GAP43: variants seen among roughly 807,000 people sequenced by gnomAD.
GAP43 encodes the protein neuromodulin.
Under a neutral mutation model 18.6 loss-of-function variants are expected in GAP43, and 6 were observed. The ratio of observed to expected loss-of-function variants is 0.32; its 90% CI spans 0.18 to 0.64. The LOEUF is 0.64. GAP43 is among the 30% of genes least tolerant of loss of function. The pLI is 0.78. For missense variants in GAP43, 292 were observed against 295.5 expected, an observed-to-expected ratio of 0.99 and a Z score of 0.09; for synonymous variants, 115 against 111.4, an observed-to-expected ratio of 1.03 and a Z score of -0.20.
chr3:115,716,675 T>C (rs1400012668), intron 2 of GAP43, among the ~76,000 whole-genome samples: 5 of 141,528 alleles, frequency 3.5e-5, no homozygotes, highest in African/African-American at 1.3e-4. Flanking sequence ...TTTTGCTTAA[T>C]ATTCAATAAT....
intron 1 of GAP43, among the ~76,000 whole-genome samples, chr3:115,638,693 CTCTT>C (rs1427777300): frequency 6.6e-6 from 1 of 151,874 alleles, no homozygotes; most frequent in African/African-American, 2.4e-5. Context: ...CATCCTTTCT[CTCTT>C]TCTAAACACT....
At chr3:115,683,147 G>GCGCGCGCGCACACACA (rs1252333447) in intron 2 of GAP43, among the ~76,000 whole-genome samples, 7 of 127,394 alleles carry the variant, frequency 5.5e-5, no homozygotes, top group African/African-American at 1.2e-4. Flanking sequence ...GCGCGCGCGC[G>GCGCGCGCGCACACACA]CACACACACA....
Position 115,623,549 on chromosome 3 carries a change from A to AGAGG in GAP43, c.-129_-126dup, listed in dbSNP as rs1269758926. On this transcript the variant is annotated 5_prime_UTR_variant, in exon 1 of 3. Transcript: ENST00000305124. ...CTGCCCTGGTGTGTGTGAGGGAGAG[A>AGAGG]GAGGGAGGGAGGGAGAGAGAGCGCG... 16 of 993,088 alleles carry AGAGG rather than the reference A, an allele frequency of 1.6e-5. No homozygotes were observed. The Admixed American group carries it at 1.6e-4, about 10-fold the overall frequency. 61.5% of individuals were successfully genotyped at this position (993,088 alleles called of 1,614,324 possible).
chr3:115,686,033 C>A (rs1709028634), intron 2 of GAP43, among the ~76,000 whole-genome samples: 1 of 152,140 alleles, frequency 6.6e-6, no homozygotes, highest in East Asian at 1.9e-4. Context: ...GTAGTTTTTG[C>A]CAATTTCTAT....
intron 1 of GAP43, among the ~76,000 whole-genome samples, chr3:115,673,794 G>A (rs1708842867): frequency 6.6e-6 from 1 of 152,196 alleles, no homozygotes; most frequent in South Asian, 2.1e-4. Context: ...GTGGAGGAGG[G>A]AGAAGGATGG....
chr3:115,708,426 TA>T (rs1411068304), intron 2 of GAP43, among the ~76,000 whole-genome samples: 1 of 152,242 alleles, frequency 6.6e-6, no homozygotes, highest in Non-Finnish European at 1.5e-5. Flanking sequence ...AATTTTTGGT[TA>T]AAGAGCTATC....
chr3:115,632,523 T>G (rs1708273026), intron 1 of GAP43, among the ~76,000 whole-genome samples: 2 of 152,204 alleles, frequency 1.3e-5, no homozygotes, highest in Non-Finnish European at 2.9e-5. Context: ...TGGGCATGAC[T>G]GGGATAAATT....
intron 1 of GAP43, chr3:115,661,096 CAT>C (rs1447241164): frequency 6.6e-6 from 1 of 152,126 alleles, no homozygotes; most frequent in Non-Finnish European, 1.5e-5. Context: ...TTCTTTCACA[CAT>C]AAGCAATTTA....
At position 115,695,243 on chromosome 3, in the gene GAP43, A is replaced by G. The variant is rs145983761; in HGVS notation, c.628+18633A>G. 6.4e-4 allele frequency among the ~76,000 whole-genome samples: 98 copies of G among 152,330 alleles called. 1 individual carries two copies. The highest frequency in any genetic ancestry group is 2.3e-3 in the African/African-American group (97 of 41,564). On this transcript the variant is annotated intron_variant, in intron 2 of 2. Coordinates refer to ENST00000305124, the MANE Select transcript of GAP43 (RefSeq NM_002045.4). ...CTTTTTAAAACTGGAACCTTAGACT[A>G]ACTGGGAAATGGAATGTGACACACC...
At chr3:115,699,353 C>T (rs1709268087) in intron 2 of GAP43, among the ~76,000 whole-genome samples, 1 of 152,086 alleles carries the variant, frequency 6.6e-6, no homozygotes, top group Admixed American at 6.6e-5. Flanking sequence ...GCCATCGTTC[C>T]CAACCTTCCT....
intron 1 of GAP43, among the ~76,000 whole-genome samples, chr3:115,667,537 A>G (rs1489952525): frequency 2.6e-5 from 4 of 152,226 alleles, no homozygotes; most frequent in African/African-American, 9.6e-5. Context: ...CACATTTTTG[A>G]GTATCCAACA....
intron 1 of GAP43, among the ~76,000 whole-genome samples, chr3:115,664,195 CTAT>C (rs1172912343): frequency 7.7e-6 from 1 of 129,160 alleles, no homozygotes; most frequent in African/African-American, 2.6e-5. Context: ...TTAGAATTTG[CTAT>C]TATTATGTTC....
intron 2 of GAP43, among the ~76,000 whole-genome samples, chr3:115,701,799 G>A (rs188139473): frequency 3.6e-4 from 55 of 152,122 alleles, no homozygotes; most frequent in Admixed American, 2.8e-3. Context: ...CCGCCAACCT[G>A]TCCTTCCTCC....
chr3:115,663,498 A>G, intron 1 of GAP43: 2 of 1,175,576 alleles, frequency 1.7e-6, no homozygotes, highest in Non-Finnish European at 2.1e-6. Context: ...CTGCTCTCTG[A>G]TATTTTTCTC....
At chr3:115,690,548 A>G (rs2107358396) in intron 2 of GAP43, among the ~76,000 whole-genome samples, 1 of 152,288 alleles carries the variant, frequency 6.6e-6, no homozygotes, top group African/African-American at 2.4e-5. Flanking sequence ...TCTATAAGAT[A>G]GAGATTAAAA....
In GAP43 at chr3:115,649,822, A is replaced by AAAAGAAAG. The variant is rs200417871; in HGVS notation, c.30+26115_30+26122dup. Among the ~76,000 whole-genome samples the AAAAGAAAG allele has an allele frequency of 7.7e-3, 1,050 of 137,224 alleles. 14 individuals are homozygous for AAAAGAAAG. Among genetic ancestry groups the AAAAGAAAG allele is most frequent in the African/African-American group, 0.026 (970 of 37,334 alleles). 90.0% of individuals were successfully genotyped at this position (137,224 alleles called of 152,430 possible). ...GAGACCCTGTCTCTAAAAAAAAAAAAAAAGAAAGAAAGAAAGAAAAAGAAA... is the reference window on the plus strand; with the variant it reads ...GAGACCCTGTCTCTAAAAAAAAAAAAAAAGAAAGAAAGAAAGAAAGAAAGAAAAAGAAA... On this transcript the variant is annotated intron_variant, in intron 1 of 2. Transcript: ENST00000305124.
At chr3:115,704,022 C>T (rs1709329794) in intron 2 of GAP43, among the ~76,000 whole-genome samples, 1 of 152,036 alleles carries the variant, frequency 6.6e-6, no homozygotes, top group Non-Finnish European at 1.5e-5. Flanking sequence ...AAAAGCAGCA[C>T]CATAATTTGA....
intron 2 of GAP43, among the ~76,000 whole-genome samples, chr3:115,715,505 G>A (rs535979545): frequency 3.3e-5 from 5 of 152,262 alleles, no homozygotes; most frequent in Admixed American, 1.3e-4. Flanking sequence ...AGGTTGATCC[G>A]CTAGATGAGG....
intron 1 of GAP43, among the ~76,000 whole-genome samples, chr3:115,646,570 A>C (rs757738513): frequency 4.6e-5 from 7 of 152,088 alleles, no homozygotes; most frequent in Admixed American, 6.6e-5. Context: ...AAAGAGAAAA[A>C]GAGAGAGAAC....
Sources: allele counts gnomAD v4.1 joint callset (sites outside exome capture counted in the v4.1 genomes callset), GRCh38; gene constraint gnomAD v4.1.1; transcripts MANE v1.5; gene names NCBI Gene and HGNC (gene_info 2026-07-23, HGNC 2026-07-21).